The following RYR3 variants were observed in gnomAD, a reference collection of about 807,000 sequenced individuals.
The protein encoded by RYR3 is ryanodine receptor 3.
A neutral mutation model predicts 584.3 loss-of-function variants in RYR3; 207 were observed. The observed-to-expected ratio is 0.35, with a 90% CI of 0.32 to 0.40. The LOEUF (loss-of-function observed/expected upper bound fraction) is 0.40, where lower values mean the gene tolerates loss of function less well. Among genes scored for constraint, RYR3 ranks in the 10% least tolerant of loss-of-function variants. The pLI is 1.00. For missense variants in RYR3, 5,616 were observed against 6,089.2 expected, an observed-to-expected ratio of 0.92 and a Z score of 2.59; for synonymous variants, 2,416 against 2,248.5, an observed-to-expected ratio of 1.07 and a Z score of -2.11.
At chr15:33,737,488 T>G in intron 49 of RYR3, among the ~76,000 whole-genome samples, 1 of 152,166 alleles carries the variant, frequency 6.6e-6, no homozygotes, top group East Asian at 1.9e-4. Flanking sequence ...AACAGCACTT[T>G]CCTTTATAGT....
Position 33,580,062 on chromosome 15 carries a change from C to T in RYR3, c.1355C>T (p.Pro452Leu), listed in dbSNP as rs368137461. 2.5e-6 allele frequency: 4 copies of T among 1,613,656 alleles called. No individual in the cohort carries two copies. The highest frequency in any genetic ancestry group is 2.5e-6 in the Non-Finnish European group (3 of 1,179,758). ...CAGGACTTGATCGCCTACTTCCAGC[C>T]CCCAGAGGAGGAGATGCGACATGAA... is the stretch of plus-strand genomic sequence containing the variant. ...TLQDLIAYFQPPEEEMRHEDK... is the reference protein window; with the variant it reads ...TLQDLIAYFQLPEEEMRHEDK... Residue 452 changes from proline to leucine, a missense_variant, in exon 13 of 104, where the codon CCC (proline) becomes CTC (leucine). Around this residue, in one of 9 missense-constraint regions of RYR3, gnomAD observed 1,284 missense variants for 1,344.6 expected, o/e 0.95. Transcript: ENST00000634891.
At chr15:33,552,140 C>A (rs917751381) in intron 10 of RYR3, among the ~76,000 whole-genome samples, 1 of 152,166 alleles carries the variant, frequency 6.6e-6, no homozygotes, top group Admixed American at 6.5e-5. Flanking sequence ...TTTCTTCCAG[C>A]ACAGGATCAG....
intron 66 of RYR3, among the ~76,000 whole-genome samples, chr15:33,787,173 ACTT>A (rs2152911060): frequency 6.6e-6 from 1 of 152,308 alleles, no homozygotes; most frequent in South Asian, 2.1e-4. Flanking sequence ...CAGGCTACTT[ACTT>A]CTTGGTGACT....
chr15:33,734,929 G>T (rs2069305963), intron 48 of RYR3, among the ~76,000 whole-genome samples: 1 of 151,964 alleles, frequency 6.6e-6, no homozygotes, highest in Admixed American at 6.6e-5. Flanking sequence ...GACCTCAGGT[G>T]ATCACCCCAC....
At chr15:33,736,620 A>T (rs542934791) in intron 49 of RYR3, among the ~76,000 whole-genome samples, 16 of 152,126 alleles carry the variant, frequency 1.1e-4, no homozygotes, top group Non-Finnish European at 1.9e-4. Context: ...AGGTTTTCAG[A>T]TTGTGTTCAT....
chr15:33,838,598 C>A lies in RYR3; in HGVS notation c.12618C>A (p.Ile4206=), dbSNP rs367854096. The A allele has an allele frequency of 1.2e-6, 2 of 1,613,810 alleles. No homozygotes were observed. The highest frequency in any genetic ancestry group is 2.7e-5 in the African/African-American group (2 of 74,912). ...FQLLFTILGG[I]FQILWSTVFG... ...TGCTCTTCACCATCCTGGGAGGAAT[C>A]TTTCAGATCCTCTGGAGCACAGTGT... The change falls in exon 89 of 104, where the codon ATC becomes ATA. Residue 4206 remains isoleucine, a synonymous_variant. Transcript: ENST00000634891.
chr15:33,548,076 C>A (rs1351945047), intron 8 of RYR3, 54 bp from the exon 9 acceptor site: 4 of 1,312,526 alleles, frequency 3.0e-6, no homozygotes, highest in African/African-American at 2.9e-5. Context: ...GTTCTTCACC[C>A]GGGTGCTGAT....
At chr15:33,815,632 G>A (rs2076776806) in intron 74 of RYR3, among the ~76,000 whole-genome samples, 2 of 152,110 alleles carry the variant, frequency 1.3e-5, no homozygotes, top group Non-Finnish European at 2.9e-5. Context: ...GGCTGCTATG[G>A]GTGATCTCTC....
intron 19 of RYR3, among the ~76,000 whole-genome samples, chr15:33,623,514 T>G (rs2152602845): frequency 6.6e-6 from 1 of 152,304 alleles, no homozygotes; most frequent in Middle Eastern, 3.4e-3. Flanking sequence ...ATAGTAATTA[T>G]TTACCTATTA....
intron 8 of RYR3, among the ~76,000 whole-genome samples, 160 bp downstream of exon 8, chr15:33,543,875 CAGTTCAGCTTGCTTACAGGAGG>C (rs1427310651): frequency 6.6e-6 from 1 of 152,158 alleles, no homozygotes; most frequent in Non-Finnish European, 1.5e-5. Flanking sequence ...ACAGGAATGG[CAGTTCAGCTTGCTTACAGGAGG>C]AGCTCTGTAC....
At position 33,848,332 on chromosome 15, in the gene RYR3, G is replaced by A. The variant is rs1409738508; in HGVS notation, c.13539G>A (p.Arg4513=). 1.9e-6 allele frequency: 3 copies of A among 1,613,846 alleles called. No individual in the cohort carries two copies. The highest frequency in any genetic ancestry group is 2.5e-6 in the Non-Finnish European group (3 of 1,179,882). The change falls in exon 94 of 104, where the codon AGG becomes AGA. Residue 4513 remains arginine (R), a synonymous_variant. Transcript: ENST00000634891. The part of the protein sequence containing the change: ...VVFKREKEIA[R]KLEFDGLYIT... ...TCAAAAGGGAAAAAGAAATCGCCAG[G>A]AAGCTGGAGTTTGATGGCCTATATA...
intron 102 of RYR3, among the ~76,000 whole-genome samples, chr15:33,862,497 G>T (rs1207991744): frequency 6.6e-6 from 1 of 152,136 alleles, no homozygotes; most frequent in African/African-American, 2.4e-5. Flanking sequence ...GTGAGCCACT[G>T]GGCTGAGCCC....
At chr15:33,823,513 A>G (rs1324312298) in intron 81 of RYR3, among the ~76,000 whole-genome samples, 1 of 152,188 alleles carries the variant, frequency 6.6e-6, no homozygotes, top group African/African-American at 2.4e-5. Context: ...GTCCTTAACA[A>G]TTCTTTGAGC....
At chr15:33,615,126 A>T (rs1189903256) in intron 19 of RYR3, among the ~76,000 whole-genome samples, 1 of 152,186 alleles carries the variant, frequency 6.6e-6, no homozygotes, top group Non-Finnish European at 1.5e-5. Context: ...TTTTAAAGAG[A>T]TCACAATCAA....
intron 16 of RYR3, among the ~76,000 whole-genome samples, chr15:33,592,669 G>A (rs1402939367): frequency 6.6e-6 from 1 of 152,158 alleles, no homozygotes; most frequent in Non-Finnish European, 1.5e-5. Context: ...CTCCAGCCAG[G>A]TATTCCAGTG....
intron 1 of RYR3, among the ~76,000 whole-genome samples, chr15:33,420,288 GCAAC>G (rs2141599111): frequency 6.6e-6 from 1 of 152,290 alleles, no homozygotes; most frequent in Non-Finnish European, 1.5e-5. Context: ...CTGCAGCAAA[GCAAC>G]CAACAGAAGA....
chr15:33,630,109 A>G (rs2061191971), intron 22 of RYR3, 66 bp downstream of exon 22: 2 of 861,814 alleles, frequency 2.3e-6, no homozygotes, highest in Non-Finnish European at 3.7e-6. Flanking sequence ...TTATAACTAA[A>G]CTGCAAAGAT....
At chr15:33,808,532 T>C (rs1296763801) in intron 70 of RYR3, among the ~76,000 whole-genome samples, 1 of 152,254 alleles carries the variant, frequency 6.6e-6, no homozygotes, top group African/African-American at 2.4e-5. Context: ...TTACCATTTA[T>C]ATTTTACATG....
intron 98 of RYR3, among the ~76,000 whole-genome samples, 185 bp downstream of exon 98, chr15:33,855,097 G>A (rs2079509999): frequency 6.6e-6 from 1 of 152,188 alleles, no homozygotes; most frequent in African/African-American, 2.4e-5. Context: ...AAATGTAACT[G>A]CAACCATCAT....
Sources: allele counts gnomAD v4.1 joint callset (sites outside exome capture counted in the v4.1 genomes callset), GRCh38; gene constraint gnomAD v4.1.1; regional missense constraint gnomAD v4.1.1; transcripts MANE v1.5; gene names NCBI Gene and HGNC (gene_info 2026-07-23, HGNC 2026-07-21).